Variants in OPCML observed in about 807,000 individuals in gnomAD.
OPCML encodes the protein opioid-binding protein/cell adhesion molecule.
OPCML carries 13 observed loss-of-function variants against 37.8 expected under a neutral mutation model. That is an observed-to-expected ratio of 0.34 (90% CI 0.22 to 0.55). The LOEUF (loss-of-function observed/expected upper bound fraction) is 0.55, where lower values mean the gene tolerates loss of function less well. Among genes scored for constraint, OPCML ranks in the 20% least tolerant of loss-of-function variants. The pLI is 0.91. For synonymous variants in OPCML, 176 were observed against 168.8 expected (o/e 1.04, Z -0.33); for missense variants, 341 against 435.6 (o/e 0.78, Z 1.93).
intron 1 of OPCML, among the ~76,000 whole-genome samples, chr11:133,032,487 T>C (rs1947693232): frequency 6.6e-6 from 1 of 152,208 alleles, no homozygotes; most frequent in African/African-American, 2.4e-5. Flanking sequence ...TTGTATTGGT[T>C]TTGGTTGTAA....
intron 2 of OPCML, among the ~76,000 whole-genome samples, chr11:132,832,926 T>A: frequency 7.9e-6 from 1 of 127,024 alleles, no homozygotes; most frequent in Non-Finnish European, 1.8e-5. Flanking sequence ...ATAAAAAGAT[T>A]TTTTTTTAAA....
chr11:133,199,091 C>T (rs892635045), intron 1 of OPCML, among the ~76,000 whole-genome samples: 18 of 152,030 alleles, frequency 1.2e-4, no homozygotes, highest in African/African-American at 4.3e-4. Context: ...GTTAAGCTGG[C>T]TAACTGTAAA....
Position 133,481,478 on chromosome 11 carries a change from A to AATAAATGT in OPCML, c.61+50785_61+50786insACATTTAT, listed in dbSNP as rs1180994626. Among the ~76,000 whole-genome samples, 372 of 151,942 alleles carry AATAAATGT rather than the reference A, an allele frequency of 2.4e-3. 3 individuals are homozygous for AATAAATGT. The highest frequency in any genetic ancestry group is 8.6e-3 in the African/African-American group (354 of 41,306). ...AAATAAATAAATAAATAAATAAATA[A>AATAAATGT]ATGTATGTATGTAACTGTGGCTACA... On this transcript the variant is annotated intron_variant, in intron 1 of 7. Transcript: ENST00000524381.
intron 1 of OPCML, among the ~76,000 whole-genome samples, chr11:133,076,128 TG>T (rs1441773760): frequency 1.3e-5 from 2 of 152,200 alleles, no homozygotes; most frequent in African/African-American, 4.8e-5. Flanking sequence ...TACACTTTTT[TG>T]TTTTTTTCAT....
intron 1 of OPCML, among the ~76,000 whole-genome samples, chr11:133,390,811 T>C (rs1208444678): frequency 6.6e-6 from 1 of 152,204 alleles, no homozygotes; most frequent in Non-Finnish European, 1.5e-5. Context: ...TCTCCAGTAC[T>C]TCCTGTGAGT....
At chr11:132,915,294 G>T (rs112167371) in intron 2 of OPCML, among the ~76,000 whole-genome samples, 2,464 of 152,236 alleles carry the variant, frequency 0.016, 72 homozygotes, top group African/African-American at 0.055. Context: ...GGCACAATCT[G>T]CTTTTTACCT....
chr11:133,092,481 G>A (rs1565443131), intron 1 of OPCML, among the ~76,000 whole-genome samples: 1 of 152,100 alleles, frequency 6.6e-6, no homozygotes, highest in Admixed American at 6.5e-5. Context: ...CCAGTACTTT[G>A]GGAGGGAAGC....
intron 1 of OPCML, among the ~76,000 whole-genome samples, chr11:133,113,240 T>C (rs1404077162): frequency 6.7e-6 from 1 of 149,884 alleles, no homozygotes; most frequent in Non-Finnish European, 1.5e-5. Flanking sequence ...TGTTTTGCCA[T>C]TCAGATATCT....
intron 1 of OPCML, among the ~76,000 whole-genome samples, chr11:133,337,727 GAAT>G: frequency 6.6e-6 from 1 of 152,220 alleles, no homozygotes; most frequent in East Asian, 1.9e-4. Context: ...CTCAAAGTAA[GAAT>G]ACCTGGGCTA....
chr11:132,643,181 G>A (rs955833506), intron 3 of OPCML, among the ~76,000 whole-genome samples: 1 of 152,194 alleles, frequency 6.6e-6, no homozygotes, highest in Non-Finnish European at 1.5e-5. Flanking sequence ...GGAAGCTGAG[G>A]CATGAGAATC....
chr11:133,030,743 A>G (rs1243732244), intron 1 of OPCML, among the ~76,000 whole-genome samples: 1 of 152,174 alleles, frequency 6.6e-6, no homozygotes, highest in African/African-American at 2.4e-5. Context: ...CTATTTGGAG[A>G]TGATTTCAAT....
At chr11:132,791,886 G>A (rs150526484) in intron 2 of OPCML, among the ~76,000 whole-genome samples, 13 of 152,260 alleles carry the variant, frequency 8.5e-5, no homozygotes, top group Non-Finnish European at 1.5e-4. Context: ...TGAGCTTCTG[G>A]GGCAGATGAT....
intron 2 of OPCML, among the ~76,000 whole-genome samples, chr11:132,750,018 G>A (rs529111526): frequency 6.6e-6 from 1 of 152,176 alleles, no homozygotes; most frequent in African/African-American, 2.4e-5. Context: ...GAGTAGCTGG[G>A]ATTACAGGTG....
At chr11:132,578,593 T>C (rs2096455895) in intron 3 of OPCML, among the ~76,000 whole-genome samples, 1 of 152,196 alleles carries the variant, frequency 6.6e-6, no homozygotes, top group Non-Finnish European at 1.5e-5. Flanking sequence ...GAATGTAACA[T>C]ATTAAACAGT....
At chr11:132,657,464 G>A in intron 2 of OPCML, 145 bp from the exon 3 acceptor site, 1 of 1,422,394 alleles carries the variant, frequency 7.0e-7, no homozygotes, top group Admixed American at 2.9e-5. Flanking sequence ...AATTATTGAT[G>A]AAACTTCCTA....
intron 1 of OPCML, among the ~76,000 whole-genome samples, chr11:133,170,692 G>C (rs1199350332): frequency 6.6e-6 from 1 of 151,076 alleles, no homozygotes; most frequent in East Asian, 1.9e-4. Context: ...GTGTTTATCT[G>C]AATTTAAGTC....
At chr11:133,470,676 G>C (rs1442441368) in intron 1 of OPCML, among the ~76,000 whole-genome samples, 1 of 152,222 alleles carries the variant, frequency 6.6e-6, no homozygotes, top group African/African-American at 2.4e-5. Context: ...GACCACAAGA[G>C]CTGATCTTTC....
chr11:133,288,145 C>T (rs573282172), intron 1 of OPCML, among the ~76,000 whole-genome samples: 2 of 152,310 alleles, frequency 1.3e-5, no homozygotes, highest in South Asian at 4.1e-4. Context: ...AAGATGTGAG[C>T]CACCATGAGG....
rs371408079 is a variant in OPCML, at chr11:133,044,291, G to A, written c.62-101281C>T. Among the ~76,000 whole-genome samples, 181 of 152,264 alleles carry A rather than the reference G, an allele frequency of 1.2e-3. 1 individual carries two copies. The highest frequency in any genetic ancestry group is 6.0e-3 in the South Asian group (29 of 4,828). ...TAAAAGATAGTAAATGTAGAGATTC[G>A]AGGCAAAGGATTTCTGTAGGAATAC... On this transcript the variant is annotated intron_variant, in intron 1 of 7. Transcript: ENST00000524381.
Sources: gnomAD v4.1 joint callset for allele counts (sites outside exome capture counted in the v4.1 genomes callset) on GRCh38, gnomAD v4.1.1 for gene constraint, MANE v1.5 for transcripts, NCBI Gene and HGNC (gene_info 2026-07-23, HGNC 2026-07-21) for gene names.